R3HDM1: variants seen among roughly 807,000 people sequenced by gnomAD.
R3HDM1 encodes R3H domain containing 1, also known as R3H domain-containing protein 1.
A neutral mutation model predicts 141.1 loss-of-function variants in R3HDM1; 46 were observed. That is an observed-to-expected ratio of 0.33 (90% CI 0.26 to 0.42). R3HDM1 has a LOEUF of 0.42. R3HDM1 is among the 10% of genes least tolerant of loss of function. R3HDM1 has a pLI of 1.00. For missense variants in R3HDM1, 1,184 were observed against 1,368.3 expected, an observed-to-expected ratio of 0.87 and a Z score of 2.12; for synonymous variants, 435 against 472.9, an observed-to-expected ratio of 0.92 and a Z score of 1.04.
chr2:135,669,317 A>G (rs2067979120), intron 19 of R3HDM1: 5 of 985,278 alleles, frequency 5.1e-6, no homozygotes, highest in Admixed American at 6.1e-5. Flanking sequence ...TCATGTGGCT[A>G]CCATCTGAAC....
intron 21 of R3HDM1, among the ~76,000 whole-genome samples, chr2:135,686,297 T>A (rs1190965965): frequency 6.6e-6 from 1 of 152,274 alleles, no homozygotes; most frequent in Non-Finnish European, 1.5e-5. Flanking sequence ...AACTATCATT[T>A]GATCCAGCAA....
intron 20 of R3HDM1, among the ~76,000 whole-genome samples, chr2:135,676,971 T>C (rs1278210098): frequency 6.6e-6 from 1 of 152,168 alleles, no homozygotes; most frequent in East Asian, 1.9e-4. Flanking sequence ...GTGTACAGAC[T>C]AGTAACTGAG....
chr2:135,609,450 A>G (rs762000483), intron 3 of R3HDM1, among the ~76,000 whole-genome samples: 6 of 152,160 alleles, frequency 3.9e-5, no homozygotes, highest in Non-Finnish European at 5.9e-5. Flanking sequence ...TATGGTCTCA[A>G]ATAATTATCT....
chr2:135,572,158 G>A (rs1396674758), intron 1 of R3HDM1, among the ~76,000 whole-genome samples: 10 of 151,994 alleles, frequency 6.6e-5, no homozygotes, highest in African/African-American at 2.2e-4. Flanking sequence ...GAGTTTCACC[G>A]TGTTAGCCAG....
intron 9 of R3HDM1, 133 bp from the exon 10 acceptor site, chr2:135,635,757 A>T: frequency 9.1e-7 from 1 of 1,093,484 alleles, no homozygotes; most frequent in Non-Finnish European, 1.3e-6. Flanking sequence ...ATGAGACTGC[A>T]TAAGCATCTA....
chr2:135,652,043 T>A lies in R3HDM1; in HGVS notation c.2028+11T>A. 6.5e-7 allele frequency: 1 copy of A among 1,536,772 alleles called. No individual in the cohort carries two copies. Among genetic ancestry groups the A allele is most frequent in the East Asian group, 2.3e-5 (1 of 43,966 alleles). On this transcript the variant is annotated intron_variant, in intron 18 of 26. Transcript: ENST00000683871. The stretch of plus-strand genomic sequence containing the variant: ...CAGCCATCACCACAGGTATATTGCT[T>A]TTTAACCTTTTCTTTCTTGTGGAAA...
chr2:135,702,813 A>G (rs1007821734), intron 21 of R3HDM1, among the ~76,000 whole-genome samples: 2 of 152,160 alleles, frequency 1.3e-5, no homozygotes, highest in African/African-American at 4.8e-5. Context: ...CTGACTCAAA[A>G]AAAAGAAAAA....
chr2:135,707,787 T>C (rs1373098034), intron 21 of R3HDM1, among the ~76,000 whole-genome samples: 6 of 152,232 alleles, frequency 3.9e-5, no homozygotes, highest in Admixed American at 3.9e-4. Context: ...TAGCTAATAC[T>C]TATATTACAC....
chr2:135,540,539 C>T (rs1697253745), intron 1 of R3HDM1, among the ~76,000 whole-genome samples: 1 of 152,158 alleles, frequency 6.6e-6, no homozygotes, highest in Admixed American at 6.5e-5. Context: ...AGTTCTCCCA[C>T]CTCAGTGCTG....
chr2:135,714,756 T>C (rs905938100), intron 23 of R3HDM1, among the ~76,000 whole-genome samples: 2 of 117,712 alleles, frequency 1.7e-5, no homozygotes, highest in African/African-American at 5.6e-5. Context: ...TGTATATATA[T>C]GGGTGTATAC....
At chr2:135,560,695 T>C (rs996483045) in intron 1 of R3HDM1, among the ~76,000 whole-genome samples, 2 of 152,162 alleles carry the variant, frequency 1.3e-5, no homozygotes, top group African/African-American at 4.8e-5. Context: ...ATATACAAGT[T>C]GTGGTAGAGA....
At chr2:135,644,095 G>A (rs1174140536) in intron 15 of R3HDM1, among the ~76,000 whole-genome samples, 1 of 152,160 alleles carries the variant, frequency 6.6e-6, no homozygotes, top group Non-Finnish European at 1.5e-5. Flanking sequence ...GAACTTAAAA[G>A]TGAAATCACA....
At chr2:135,555,283 A>C (rs868862926) in intron 1 of R3HDM1, among the ~76,000 whole-genome samples, 2 of 150,424 alleles carry the variant, frequency 1.3e-5, no homozygotes, top group Non-Finnish European at 3.0e-5. Context: ...GTGACAGAGC[A>C]AGACTCTTGT....
Position 135,604,787 on chromosome 2 carries a change from T to C in R3HDM1, c.-40-19T>C, listed in dbSNP as rs2059912848. The C allele has an allele frequency of 6.4e-7, 1 of 1,557,860 alleles. No individual in the cohort carries two copies. The highest frequency in any genetic ancestry group is 1.7e-5 in the Admixed American group (1 of 59,778). ...GAATGTAAAAAAGTTTCAAACTGTA[T>C]TAATTTTTTTTTCTTAAGGCTTCAA... On this transcript the variant is annotated intron_variant, in intron 2 of 26. Transcript: ENST00000683871.
intron 1 of R3HDM1, among the ~76,000 whole-genome samples, chr2:135,573,381 T>C (rs1261270428): frequency 6.6e-6 from 1 of 152,196 alleles, no homozygotes; most frequent in East Asian, 1.9e-4. Context: ...GATCCTGGCA[T>C]GTGATCTCTT....
chr2:135,622,212 T>G (rs890505353), intron 6 of R3HDM1: 5 of 984,646 alleles, frequency 5.1e-6, no homozygotes, highest in Non-Finnish European at 1.2e-6. Flanking sequence ...CTTTCACAAC[T>G]AAAATTTCTA....
chr2:135,611,519 A>T (rs2060549129), intron 3 of R3HDM1, among the ~76,000 whole-genome samples: 1 of 152,146 alleles, frequency 6.6e-6, no homozygotes, highest in Non-Finnish European at 1.5e-5. Flanking sequence ...CTTCTCAAAA[A>T]TTTGTGGCTT....
chr2:135,650,295 C>A (rs2065014660), intron 17 of R3HDM1: 2 of 985,352 alleles, frequency 2.0e-6, no homozygotes, highest in Non-Finnish European at 2.4e-6. Flanking sequence ...CTCATTGAGG[C>A]CACTGCAGGA....
Position 135,670,782 on chromosome 2 carries a change from G to T in R3HDM1, c.2153-4550G>T, listed in dbSNP as rs148629161. ...ACATTTTTAAAAATATTCAGGCCAGGTGCCGTGGCACACCCCTATAATCTC... is the reference window on the plus strand; with the variant it reads ...ACATTTTTAAAAATATTCAGGCCAGTTGCCGTGGCACACCCCTATAATCTC... On this transcript the variant is annotated intron_variant, in intron 19 of 26. Transcript: ENST00000683871. 7.9e-4 allele frequency among the ~76,000 whole-genome samples: 120 copies of T among 152,108 alleles called. 1 individual carries two copies. Among genetic ancestry groups the T allele is most frequent in the Admixed American group, 1.9e-3 (29 of 15,260 alleles).
Sources: allele counts gnomAD v4.1 joint callset (sites outside exome capture counted in the v4.1 genomes callset), GRCh38; gene constraint gnomAD v4.1.1; transcripts MANE v1.5; gene names NCBI Gene and HGNC (gene_info 2026-07-23, HGNC 2026-07-21).